Variants in RNFT2 observed in about 807,000 individuals in gnomAD.
RNFT2 encodes the protein E3 ubiquitin-protein ligase RNFT2.
RNFT2 carries 36 observed loss-of-function variants against 53.0 expected under a neutral mutation model. The observed-to-expected ratio is 0.68, with a 90% CI of 0.52 to 0.90. The LOEUF is 0.90. Ranked by LOEUF, RNFT2 falls within the 40% of genes least tolerant of loss-of-function variation. RNFT2 has a pLI of 0.00. For synonymous variants in RNFT2, 260 were observed against 253.2 expected (o/e 1.03, Z -0.26); for missense variants, 514 against 585.6 (o/e 0.88, Z 1.26).
In RNFT2 at chr12:116,852,900, GC is replaced by G; in HGVS notation, c.*3455del. 1 of 613,672 alleles carries G rather than the reference GC, an allele frequency of 1.6e-6. No individual in the cohort carries two copies. The highest frequency in any genetic ancestry group is 2.9e-6 in the Non-Finnish European group (1 of 350,604). The allele number at this position is 613,672 out of a possible 1,614,324, so 38.0% of individuals were successfully genotyped here. On this transcript the variant is annotated 3_prime_UTR_variant, in exon 11 of 11. Transcript: ENST00000257575. ...ATACCCCAATGGTTTCTCCAATTAT[GC>G]CCATGCCACCAAAACAATAAAACAA...
At chr12:116,819,448 G>T (rs932870375) in intron 7 of RNFT2, among the ~76,000 whole-genome samples, 10 of 152,210 alleles carry the variant, frequency 6.6e-5, no homozygotes, top group Admixed American at 2.6e-4. Context: ...GTCCCGCGGG[G>T]CCATGAGATC....
chr12:116,782,205 T>C (rs930015193), intron 7 of RNFT2: 1 of 151,110 alleles, frequency 6.6e-6, no homozygotes, highest in African/African-American at 2.4e-5. Context: ...CATTCTATAT[T>C]TTTTTTTAAT....
intron 7 of RNFT2, among the ~76,000 whole-genome samples, chr12:116,790,673 T>G (rs1255853025): frequency 6.6e-6 from 1 of 152,218 alleles, no homozygotes; most frequent in Admixed American, 6.5e-5. Context: ...AATTAACCAT[T>G]AGGCTGGGCT....
intron 6 of RNFT2, among the ~76,000 whole-genome samples, chr12:116,771,852 A>G (rs1460969226): frequency 6.6e-6 from 1 of 152,164 alleles, no homozygotes; most frequent in Non-Finnish European, 1.5e-5. Flanking sequence ...GCAGCCATGC[A>G]CCTGGAAGTT....
intron 7 of RNFT2, among the ~76,000 whole-genome samples, chr12:116,820,416 A>G (rs1875949646): frequency 6.6e-6 from 1 of 152,164 alleles, no homozygotes; most frequent in Non-Finnish European, 1.5e-5. Context: ...GTACATCTCA[A>G]TTCAGAATAG....
rs149503340 is a variant in RNFT2, at chr12:116,786,984, G to A, written c.882+7636G>A. On this transcript the variant is annotated intron_variant, in intron 7 of 10. Transcript: ENST00000257575. ...CTGCCTCTCTCTTATAAGGACACAT[G>A]TAACGGTATTTTGGGCCCAGCTGGA... Among the ~76,000 whole-genome samples the A allele has an allele frequency of 2.9e-4, 44 of 152,268 alleles. No individual in the cohort carries two copies. The East Asian group carries it at 7.5e-3, about 26-fold the overall frequency.
chr12:116,824,718 G>A (rs1423909073), intron 7 of RNFT2, among the ~76,000 whole-genome samples: 4 of 152,164 alleles, frequency 2.6e-5, no homozygotes, highest in Admixed American at 2.6e-4. Flanking sequence ...TTCTCACTGT[G>A]TCCTCAAGTG....
rs1224105022 is a variant in RNFT2 at position 116,852,442 on chromosome 12, T to C, written c.*2994T>C. 2.8e-6 allele frequency: 4 copies of C among 1,412,310 alleles called. No individual in the cohort carries two copies. The highest frequency in any genetic ancestry group is 1.8e-6 in the Non-Finnish European group (2 of 1,082,532). 87.5% of individuals were successfully genotyped at this position (1,412,310 alleles called of 1,614,324 possible). ...CAGCAAGACGTCTGTTCCAGGGCAG[T>C]GTAGCATCTTTCAAGCTCCGTTACT... On this transcript the variant is annotated 3_prime_UTR_variant, in exon 11 of 11. Transcript: ENST00000257575.
chr12:116,759,542 C>T (rs1872617580), intron 5 of RNFT2, among the ~76,000 whole-genome samples: 1 of 152,120 alleles, frequency 6.6e-6, no homozygotes. Flanking sequence ...TTCTTTTGTC[C>T]CAGGGGGTTT....
chr12:116,740,481 A>T lies in RNFT2; in HGVS notation c.-17A>T. ...AATGCCTACCTCCAGTGTCGTCAAC[A>T]TGGAGTTCTGAAGTCCATGTGGCTC... On this transcript the variant is annotated 5_prime_UTR_variant, in exon 2 of 11. It removes an upstream start codon present in the reference 5' UTR. Transcript: ENST00000257575. 6.4e-7 allele frequency: 1 copy of T among 1,571,242 alleles called. No individual in the cohort carries two copies. Among genetic ancestry groups the T allele is most frequent in the Non-Finnish European group, 8.6e-7 (1 of 1,156,846 alleles).
intron 7 of RNFT2, chr12:116,782,094 A>AAAAAAAAAAAAAAAAAAAAAAAAG (rs56234630): frequency 3.4e-5 from 5 of 149,104 alleles, no homozygotes; most frequent in Admixed American, 6.7e-5. Context: ...AAAAAAAAAA[A>AAAAAAAAAAAAAAAAAAAAAAAAG]TGTGGACATC....
At chr12:116,823,512 T>A (rs7313014) in intron 7 of RNFT2, among the ~76,000 whole-genome samples, 1 of 152,152 alleles carries the variant, frequency 6.6e-6, no homozygotes, top group South Asian at 2.1e-4. Context: ...GGCAAAACCC[T>A]GTCTCTACTA....
chr12:116,785,354 G>T (rs1358954104), intron 7 of RNFT2, among the ~76,000 whole-genome samples: 5 of 151,396 alleles, frequency 3.3e-5, no homozygotes, highest in African/African-American at 1.2e-4. Flanking sequence ...GTACAGAGGC[G>T]CAATCACAGT....
chr12:116,792,408 T>G (rs969426108), intron 7 of RNFT2, among the ~76,000 whole-genome samples: 3 of 152,080 alleles, frequency 2.0e-5, no homozygotes, highest in African/African-American at 7.2e-5. Flanking sequence ...TCACATAAAA[T>G]TCCCCCAAGT....
At chr12:116,822,903 A>G (rs909735655) in intron 7 of RNFT2, among the ~76,000 whole-genome samples, 6 of 152,244 alleles carry the variant, frequency 3.9e-5, no homozygotes, top group Non-Finnish European at 7.3e-5. Flanking sequence ...AGGCTGAGGC[A>G]CGAGAATCAC....
Position 116,793,764 on chromosome 12 carries a change from C to T in RNFT2, c.882+14416C>T, listed in dbSNP as rs1016588293. Among the ~76,000 whole-genome samples the T allele has an allele frequency of 4.6e-5, 7 of 152,326 alleles. No individual in the cohort carries two copies. The South Asian group carries it at 1.0e-3, about 23-fold the overall frequency. On this transcript the variant is annotated intron_variant, in intron 7 of 10. Coordinates refer to ENST00000257575, the MANE Select transcript of RNFT2 (RefSeq NM_001382266.1). The stretch of plus-strand genomic sequence containing the variant: ...CCAATGTCACCACCTCTGGAAAGTC[C>T]TTCCTAACCACCCTGCTGAGAGTGC...
intron 7 of RNFT2, among the ~76,000 whole-genome samples, chr12:116,814,970 A>G (rs940976564): frequency 1.3e-5 from 2 of 152,182 alleles, no homozygotes; most frequent in Non-Finnish European, 1.5e-5. Flanking sequence ...TCCTGACCTC[A>G]GGTGACCCGC....
At chr12:116,774,528 T>C (rs543943649) in intron 6 of RNFT2, among the ~76,000 whole-genome samples, 25 of 152,290 alleles carry the variant, frequency 1.6e-4, no homozygotes, top group African/African-American at 5.8e-4. Context: ...GCTGTCAGAA[T>C]TGAGGGAAGA....
chr12:116,789,635 G>GTGGATGGATGGA (rs148322297), intron 7 of RNFT2, among the ~76,000 whole-genome samples: 4,944 of 132,000 alleles, frequency 0.037, 384 homozygotes, highest in African/African-American at 0.14. Context: ...TGGGAGGAGA[G>GTGGATGGATGGA]TGGATGGATG....
Sources: allele counts gnomAD v4.1 joint callset (sites outside exome capture counted in the v4.1 genomes callset), GRCh38; gene constraint gnomAD v4.1.1; transcripts MANE v1.5; gene names NCBI Gene and HGNC (gene_info 2026-07-23, HGNC 2026-07-21).